The following TPR variants were observed in gnomAD, a reference collection of about 807,000 sequenced individuals.
The protein encoded by TPR is nucleoprotein TPR.
A neutral mutation model predicts 316.1 loss-of-function variants in TPR; 51 were observed. The ratio of observed to expected loss-of-function variants is 0.16; its 90% CI spans 0.13 to 0.20. The LOEUF (loss-of-function observed/expected upper bound fraction) is 0.20, where lower values mean the gene tolerates loss of function less well. Among genes scored for constraint, TPR ranks in the 10% least tolerant of loss-of-function variants. The pLI is 1.00. For synonymous variants in TPR, 981 were observed against 914.7 expected (o/e 1.07, Z -1.31); for missense variants, 2,272 against 2,754.8 (o/e 0.82, Z 3.92).
At position 186,363,408 on chromosome 1, in the gene TPR, G is replaced by A; in HGVS notation, c.465C>T (p.Ser155=). Residue 155 remains serine, a synonymous_variant, in exon 5 of 51, where the codon AGC becomes AGT. Coordinates refer to ENST00000367478, the MANE Select transcript of TPR (RefSeq NM_003292.3). ...VKRLNEKLKE[S]NTTKGELQLK... ...ACTGAAGTTCACCCTTTGTTGTATTGCTTTCTTTAAGTTTTTCATTCAGAC... is the reference window on the plus strand; with the variant it reads ...ACTGAAGTTCACCCTTTGTTGTATTACTTTCTTTAAGTTTTTCATTCAGAC... 6.2e-7 allele frequency: 1 copy of A among 1,612,426 alleles called. No homozygotes were observed. Among genetic ancestry groups the A allele is most frequent in the South Asian group, 1.1e-5 (1 of 91,000 alleles).
chr1:186,317,418 G>T, intron 49 of TPR, 64 bp downstream of exon 49: 2 of 1,202,864 alleles, frequency 1.7e-6, no homozygotes, highest in Non-Finnish European at 2.5e-6. Flanking sequence ...TACTAATAAA[G>T]CAGTGTTTTC....
chr1:186,360,070 A>G, intron 11 of TPR, 74 bp from the exon 12 acceptor site: 1 of 1,501,076 alleles, frequency 6.7e-7, no homozygotes, highest in South Asian at 1.2e-5. Flanking sequence ...GTTTCATAAT[A>G]AACATTCTTT....
intron 3 of TPR, among the ~76,000 whole-genome samples, chr1:186,369,783 A>G (rs1025131225): frequency 2.6e-5 from 4 of 152,146 alleles, no homozygotes; most frequent in Admixed American, 2.0e-4. Context: ...TATACTGAAT[A>G]CAAGTGGTGA....
chr1:186,327,427 T>TA, intron 40 of TPR, 33 bp downstream of exon 40: 1 of 1,600,350 alleles, frequency 6.2e-7, no homozygotes, highest in South Asian at 1.1e-5. Flanking sequence ...TCCAATAGTT[T>TA]AAAAACACTA....
At chr1:186,334,935 C>T (rs1347908396) in intron 35 of TPR, 133 bp downstream of exon 35, 2 of 868,442 alleles carry the variant, frequency 2.3e-6, no homozygotes, top group African/African-American at 3.4e-5. Context: ...TACAGTTCTG[C>T]AGAGAAAACA....
chr1:186,369,347 T>C (rs967677005), intron 3 of TPR, among the ~76,000 whole-genome samples: 2 of 152,142 alleles, frequency 1.3e-5, no homozygotes, highest in Non-Finnish European at 2.9e-5. Context: ...CTTTATAGTG[T>C]GGACATTTTA....
chr1:186,353,363 C>T (rs1183883726), intron 18 of TPR, among the ~76,000 whole-genome samples: 4 of 150,518 alleles, frequency 2.7e-5, no homozygotes, highest in Non-Finnish European at 4.4e-5. Context: ...CAGAGTGAGA[C>T]TCTGTCTCAA....
At chr1:186,326,326 A>G in intron 40 of TPR, 91 bp from the exon 41 acceptor site, 4 of 1,515,636 alleles carry the variant, frequency 2.6e-6, no homozygotes, top group Non-Finnish European at 3.5e-6. Context: ...AATTTAAGTG[A>G]CTCATTAATC....
At chr1:186,362,018 T>A (rs952121985) in intron 7 of TPR, 149 bp from the exon 8 acceptor site, 34 of 709,234 alleles carry the variant, frequency 4.8e-5, no homozygotes, top group Non-Finnish European at 7.2e-5. Flanking sequence ...AAAGATAAAT[T>A]AAGGATAAAA....
chr1:186,364,411 T>C (rs1306562034), intron 4 of TPR, among the ~76,000 whole-genome samples: 2 of 151,286 alleles, frequency 1.3e-5, no homozygotes, highest in Non-Finnish European at 2.9e-5. Context: ...AAAAAGAAAA[T>C]TCGTAAAGCC....
chr1:186,371,537 G>A (rs982994233), intron 2 of TPR, among the ~76,000 whole-genome samples: 13 of 151,926 alleles, frequency 8.6e-5, no homozygotes, highest in Admixed American at 3.3e-4. Context: ...GCTTGATAAC[G>A]CACTTATCAA....
intron 33 of TPR, 136 bp downstream of exon 33, chr1:186,336,360 C>T (rs58910913): frequency 1.3e-6 from 1 of 762,112 alleles, no homozygotes; most frequent in Non-Finnish European, 2.1e-6. Context: ...CTAATTATTC[C>T]TAATATTTAA....
At chr1:186,314,070 T>C (rs772045291) in intron 50 of TPR, 44 bp from the exon 51 acceptor site, 1 of 1,569,456 alleles carries the variant, frequency 6.4e-7, no homozygotes, top group South Asian at 1.1e-5. Flanking sequence ...CTTTTAAGAA[T>C]TCAAAACTAG....
intron 21 of TPR, among the ~76,000 whole-genome samples, chr1:186,347,987 G>A (rs1483709579): frequency 6.6e-6 from 1 of 152,150 alleles, no homozygotes; most frequent in Non-Finnish European, 1.5e-5. Context: ...ACTGCTAACT[G>A]TACAAATTGG....
chr1:186,341,545 T>C (rs1479903509), intron 27 of TPR, 156 bp from the exon 28 acceptor site: 1 of 713,194 alleles, frequency 1.4e-6, no homozygotes, highest in Non-Finnish European at 2.2e-6. Flanking sequence ...TACTTTTCTG[T>C]GAGGCATGCG....
chr1:186,334,970 T>C lies in TPR; in HGVS notation c.4973+98A>G, dbSNP rs899666812. On this transcript the variant is annotated intron_variant, in intron 35 of 50. Coordinates refer to ENST00000367478, the MANE Select transcript of TPR (RefSeq NM_003292.3). The stretch of plus-strand genomic sequence containing the variant: ...AACTCTTTAGTGTATGTTTTTACAA[T>C]AGAATACACAGATTTCTTTTTCCTA... 48 of 1,237,524 alleles carry C rather than the reference T, an allele frequency of 3.9e-5. No individual in the cohort carries two copies. In the African/African-American group the frequency reaches 5.1e-4, roughly 13 times the overall value. The allele number at this position is 1,237,524 out of a possible 1,614,324, so 76.7% of individuals were successfully genotyped here. A position where few individuals can be genotyped will look rare whatever the true frequency, so the allele number is the denominator to read the frequency against.
rs772308324 is a variant in TPR at position 186,363,331 on chromosome 1, C to G, written c.531+11G>C. On this transcript the variant is annotated intron_variant, in intron 5 of 50. Coordinates refer to ENST00000367478, the MANE Select transcript of TPR (RefSeq NM_003292.3). ...CTATAGTTTATGCATTAGGAATCAT[C>G]TGGTACTTGCCTTAACAGAAACATC... The G allele has an allele frequency of 1.3e-6, 2 of 1,597,070 alleles. No homozygotes were observed. The highest frequency in any genetic ancestry group is 1.7e-6 in the Non-Finnish European group (2 of 1,165,858).
chr1:186,315,095 G>C (rs1012705585), intron 49 of TPR, among the ~76,000 whole-genome samples: 19 of 151,774 alleles, frequency 1.3e-4, no homozygotes, highest in African/African-American at 4.6e-4. Context: ...TTGAGCCCGG[G>C]TGAGGTTGAG....
At chr1:186,347,714 A>G (rs1258578568) in intron 21 of TPR, among the ~76,000 whole-genome samples, 1 of 152,240 alleles carries the variant, frequency 6.6e-6, no homozygotes, top group Non-Finnish European at 1.5e-5. Flanking sequence ...GAACAATCAA[A>G]TATTTCCACT....
Sources: allele counts gnomAD v4.1 joint callset (sites outside exome capture counted in the v4.1 genomes callset), GRCh38; gene constraint gnomAD v4.1.1; transcripts MANE v1.5; gene names NCBI Gene and HGNC (gene_info 2026-07-23, HGNC 2026-07-21).